The following LRP1-AS variants were observed in gnomAD, a reference collection of about 807,000 sequenced individuals.
LRP1-AS encodes LRP1 antisense RNA.
chr12:57,144,656 A>G (rs2035362320), exon 2 of LRP1-AS: 1 of 345,704 alleles, frequency 2.9e-6, no homozygotes, highest in East Asian at 5.4e-5. Context: ...TTATCTGAAT[A>G]TAAGTTTCAT....
chr12:57,145,618 T>A (rs1042787083), intron 1 of LRP1-AS: 9 of 1,206,088 alleles, frequency 7.5e-6, no homozygotes, highest in Non-Finnish European at 9.4e-6. Context: ...AGCAGGAGGC[T>A]GGATACAATG....
At chr12:57,145,664 G>A (rs1286949163) in intron 1 of LRP1-AS, among the ~76,000 whole-genome samples, 12 of 152,154 alleles carry the variant, frequency 7.9e-5, no homozygotes, top group African/African-American at 1.7e-4. Flanking sequence ...CCACCGGCAC[G>A]CTCCCTCCCA....
chr12:57,145,540 G>T, intron 1 of LRP1-AS: 1 of 1,594,664 alleles, frequency 6.3e-7, no homozygotes, highest in Non-Finnish European at 8.5e-7. Context: ...AGGGGAGACA[G>T]GGAAGGTGGA....
intron 1 of LRP1-AS, among the ~76,000 whole-genome samples, chr12:57,146,112 C>G (rs2136664328): frequency 6.6e-6 from 1 of 152,176 alleles, no homozygotes; most frequent in South Asian, 2.1e-4. Context: ...TTTTGCTATC[C>G]TAGTTGTGGA....
exon 2 of LRP1-AS, chr12:57,144,692 A>G (rs1023127703): frequency 3.0e-5 from 14 of 465,494 alleles, no homozygotes; most frequent in African/African-American, 2.5e-4. Context: ...GGTCTATTTT[A>G]AAGTTCACTG....
rs780761087 is a variant in LRP1-AS at position 57,145,454 on chromosome 12, G to A, written n.182-371C>T. The A allele has an allele frequency of 1.4e-5, 22 of 1,614,072 alleles. No homozygotes were observed. In the South Asian group the frequency reaches 2.2e-4, roughly 16 times the overall value. On this transcript the variant is annotated intron_variant and non_coding_transcript_variant, in intron 1 of 1. Transcript: ENST00000555461. ...CATGCCTGGCCTAAAGGGCTTCGTGGATGAGCACACCATCAACATCTCCCT... is the reference window on the plus strand; with the variant it reads ...CATGCCTGGCCTAAAGGGCTTCGTGAATGAGCACACCATCAACATCTCCCT...
chr12:57,145,187 G>C, intron 1 of LRP1-AS: 1 of 1,613,690 alleles, frequency 6.2e-7, no homozygotes, highest in South Asian at 1.1e-5. Context: ...GGTGGTCCTA[G>C]AGCCCTGGCT....
Position 57,145,299 on chromosome 12 carries a change from C to T in LRP1-AS, n.182-216G>A, listed in dbSNP as rs1800127. 34,687 of 1,614,124 alleles carry T rather than the reference C, an allele frequency of 0.021. 462 individuals carry two copies. The highest frequency in any genetic ancestry group is 0.024 in the Non-Finnish European group (28,801 of 1,180,012). On this transcript the variant is annotated intron_variant and non_coding_transcript_variant, in intron 1 of 1. Transcript: ENST00000555461. ...ATCTTGGCCACGTACCTGAGTGGGG[C>T]CCAGGTGTCTACCATCACACCTACG...
chr12:57,147,351 C>T (rs1270247374), intron 1 of LRP1-AS: 1 of 152,450 alleles, frequency 6.6e-6, no homozygotes, highest in Non-Finnish European at 1.5e-5. Flanking sequence ...TCCCCTAGCC[C>T]CTCCCCCAGT....
chr12:57,147,230 C>T (rs2035429053), intron 1 of LRP1-AS, among the ~76,000 whole-genome samples: 1 of 152,056 alleles, frequency 6.6e-6, no homozygotes, highest in African/African-American at 2.4e-5. Context: ...CCTGCCCTCC[C>T]CCTGCTCCAC....
chr12:57,145,902 C>T (rs1040712032), intron 1 of LRP1-AS, among the ~76,000 whole-genome samples: 3 of 152,102 alleles, frequency 2.0e-5, no homozygotes, highest in Non-Finnish European at 4.4e-5. Flanking sequence ...AGCTGGGGCC[C>T]AGCTGCTCTG....
chr12:57,144,861 T>C, exon 2 of LRP1-AS: 2 of 1,086,830 alleles, frequency 1.8e-6, no homozygotes, highest in Non-Finnish European at 2.8e-6. Context: ...TCTGCCGAAC[T>C]GTCCTTCAAG....
intron 1 of LRP1-AS, among the ~76,000 whole-genome samples, chr12:57,146,229 A>G (rs1479322135): frequency 6.6e-6 from 1 of 152,166 alleles, no homozygotes; most frequent in Non-Finnish European, 1.5e-5. Flanking sequence ...CTTAAAAGTC[A>G]ACATCTGGCA....
intron 1 of LRP1-AS, chr12:57,147,338 C>G (rs542554854): frequency 6.6e-6 from 1 of 152,304 alleles, no homozygotes; most frequent in Non-Finnish European, 1.5e-5. Context: ...ACGTCAGTGT[C>G]TCTCCCCTAG....
chr12:57,145,386 A>G (rs2035383280), intron 1 of LRP1-AS: 2 of 1,614,150 alleles, frequency 1.2e-6, no homozygotes. Context: ...TGCTGGGTGC[A>G]TGTTGGGGAC....
intron 1 of LRP1-AS, among the ~76,000 whole-genome samples, chr12:57,145,764 G>C (rs1011214400): frequency 2.0e-5 from 3 of 152,190 alleles, no homozygotes; most frequent in Non-Finnish European, 4.4e-5. Context: ...ACCAGGGACT[G>C]TCCCTTCTCT....
Position 57,146,710 on chromosome 12 carries a change from T to G in LRP1-AS, n.181+729A>C, listed in dbSNP as rs1396601845. 3.9e-5 allele frequency: 6 copies of G among 152,454 alleles called. No homozygotes were observed. In the South Asian group the frequency reaches 1.0e-3, roughly 26 times the overall value. 9.4% of individuals were successfully genotyped at this position (152,454 alleles called of 1,614,324 possible). A position where few individuals can be genotyped will look rare whatever the true frequency, so the allele number is the denominator to read the frequency against. On this transcript the variant is annotated intron_variant and non_coding_transcript_variant, in intron 1 of 1. Coordinates refer to ENST00000555461, the Ensembl canonical transcript of LRP1-AS. ...CCTGATAGCGTCCTTGGGCTGCTGC[T>G]GTCCACAGCTCACCTGTGATCAGAC...
chr12:57,144,753 C>T (rs149632217), exon 2 of LRP1-AS: 27 of 575,854 alleles, frequency 4.7e-5, no homozygotes, highest in East Asian at 2.6e-4. Flanking sequence ...ATCTTCCCTG[C>T]GTGGATGAGT....
At chr12:57,147,535 C>G (rs1251800380) in exon 1 of LRP1-AS, 1 of 152,278 alleles carries the variant, frequency 6.6e-6, no homozygotes, top group African/African-American at 2.4e-5. Context: ...TCCAGGGCAG[C>G]CCTCCCTGCA....
Sources: gnomAD v4.1 joint callset for allele counts (sites outside exome capture counted in the v4.1 genomes callset) on GRCh38, gnomAD v4.1.1 for gene constraint, MANE v1.5 for transcripts, NCBI Gene and HGNC (gene_info 2026-07-23, HGNC 2026-07-21) for gene names.